BBOX1: variants seen among roughly 807,000 people sequenced by gnomAD.
BBOX1 encodes the protein gamma-butyrobetaine dioxygenase.
BBOX1 carries 35 observed loss-of-function variants against 41.6 expected under a neutral mutation model. The observed-to-expected ratio is 0.84, with a 90% CI of 0.64 to 1.11. BBOX1 has a LOEUF of 1.11. Among genes scored for constraint, BBOX1 ranks in the 50% most tolerant of loss-of-function variants. The probability of loss-of-function intolerance (pLI) is 0.00; values close to 1 mark genes in which losing one functional copy is unlikely to be tolerated. For synonymous variants in BBOX1, 163 were observed against 154.7 expected (o/e 1.05, Z -0.40); for missense variants, 458 against 460.6 (o/e 0.99, Z 0.05).
intron 7 of BBOX1, among the ~76,000 whole-genome samples, chr11:27,121,209 G>A (rs1324471646): frequency 6.6e-6 from 1 of 152,038 alleles, no homozygotes; most frequent in East Asian, 1.9e-4. Context: ...AGGGTCCTAA[G>A]GACATGTCTG....
At chr11:27,098,725 T>G (rs1392379041) in intron 5 of BBOX1, among the ~76,000 whole-genome samples, 1 of 152,010 alleles carries the variant, frequency 6.6e-6, no homozygotes, top group Non-Finnish European at 1.5e-5. Flanking sequence ...GAATTATTAT[T>G]TACATAAGCT....
At chr11:27,078,651 A>G (rs1399974756) in intron 4 of BBOX1, among the ~76,000 whole-genome samples, 1 of 152,194 alleles carries the variant, frequency 6.6e-6, no homozygotes, top group Non-Finnish European at 1.5e-5. Flanking sequence ...GGACACAGGG[A>G]GAGGAACATC....
intron 4 of BBOX1, among the ~76,000 whole-genome samples, chr11:27,061,272 T>G (rs1167688083): frequency 1.3e-5 from 2 of 152,114 alleles, no homozygotes; most frequent in Non-Finnish European, 2.9e-5. Flanking sequence ...AGTAGCAAAA[T>G]GGAAATGATA....
chr11:27,047,943 CT>C (rs1851539294), intron 2 of BBOX1, among the ~76,000 whole-genome samples: 1 of 152,044 alleles, frequency 6.6e-6, no homozygotes, highest in South Asian at 2.1e-4. Flanking sequence ...AACTAATAAT[CT>C]TTTTTCACTT....
chr11:27,092,173 T>C (rs999932763), intron 4 of BBOX1, among the ~76,000 whole-genome samples: 7 of 151,950 alleles, frequency 4.6e-5, no homozygotes, highest in African/African-American at 1.7e-4. Context: ...GAGGCACCAT[T>C]CTTCATTCTT....
In BBOX1 at chr11:27,127,330, T is replaced by A. The variant is rs137894032; in HGVS notation, c.1041T>A (p.His347Gln). 9 of 1,614,032 alleles carry A rather than the reference T, an allele frequency of 5.6e-6. No individual in the cohort carries two copies. Among genetic ancestry groups the A allele is most frequent in the South Asian group, 5.5e-5 (5 of 91,072 alleles). Residue 347 changes from histidine to glutamine, a missense_variant, in exon 9 of 9, where the codon CAT becomes CAA. By Grantham distance (24) the His-to-Gln change is conservative. Coordinates refer to ENST00000263182, the MANE Select transcript of BBOX1 (RefSeq NM_003986.3). ...VITFDNWRLL[H>Q]GRRSYEAGTE... ...CTTTTGATAACTGGCGCTTACTTCA[T>A]GGCCGACGTAGCTATGAAGCAGGAA...
intron 5 of BBOX1, among the ~76,000 whole-genome samples, chr11:27,108,156 T>C (rs1200223350): frequency 6.6e-6 from 1 of 152,100 alleles, no homozygotes; most frequent in Non-Finnish European, 1.5e-5. Flanking sequence ...GCCAGAGAAC[T>C]GCTCTGATGA....
chr11:27,100,750 A>G (rs952450627), intron 5 of BBOX1, among the ~76,000 whole-genome samples: 1 of 152,132 alleles, frequency 6.6e-6, no homozygotes, highest in African/African-American at 2.4e-5. Context: ...ATGAAAGGAA[A>G]AATAATTTCT....
intron 5 of BBOX1, among the ~76,000 whole-genome samples, chr11:27,097,377 T>C (rs894668525): frequency 6.6e-6 from 1 of 152,064 alleles, no homozygotes; most frequent in Non-Finnish European, 1.5e-5. Context: ...TCAATGATTA[T>C]ACCAAGTTAG....
chr11:27,098,172 C>G (rs1590210290), intron 5 of BBOX1, among the ~76,000 whole-genome samples: 1 of 151,928 alleles, frequency 6.6e-6, no homozygotes, highest in African/African-American at 2.4e-5. Flanking sequence ...CTTTCTTGCC[C>G]TTTTCACTTG....
Position 27,119,633 on chromosome 11 carries a change from T to A in BBOX1, c.640-16T>A. ...AATTTAATATTTATTTAATAATGCA[T>A]ATTTTCTTTTTATAGGTTCAGCTTC... On this transcript the variant is annotated splice_polypyrimidine_tract_variant and intron_variant, in intron 6 of 8. Coordinates refer to ENST00000263182, the MANE Select transcript of BBOX1 (RefSeq NM_003986.3). The A allele has an allele frequency of 7.5e-7, 1 of 1,335,238 alleles. No individual in the cohort carries two copies. Among genetic ancestry groups the A allele is most frequent in the Non-Finnish European group, 9.8e-7 (1 of 1,025,258 alleles). The allele number at this position is 1,335,238 out of a possible 1,614,324, so 82.7% of individuals were successfully genotyped here. A position where few individuals can be genotyped will look rare whatever the true frequency, so the allele number is the denominator to read the frequency against.
chr11:27,057,392 A>C, intron 4 of BBOX1, 77 bp downstream of exon 4: 1 of 1,177,272 alleles, frequency 8.5e-7, no homozygotes, highest in South Asian at 1.4e-5. Context: ...TGCTCACAGA[A>C]AATTCAAACC....
chr11:27,108,097 C>G (rs1025143338), intron 5 of BBOX1, among the ~76,000 whole-genome samples: 1 of 152,066 alleles, frequency 6.6e-6, no homozygotes, highest in African/African-American at 2.4e-5. Context: ...GCCTAAGACA[C>G]TCTAGGGCTA....
chr11:27,099,595 G>T (rs1159961802), intron 5 of BBOX1, among the ~76,000 whole-genome samples: 1 of 152,020 alleles, frequency 6.6e-6, no homozygotes, highest in Non-Finnish European at 1.5e-5. Flanking sequence ...GGAAGAATTG[G>T]GGACCCAGTG....
At chr11:27,104,441 T>C (rs1858785636) in intron 5 of BBOX1, among the ~76,000 whole-genome samples, 1 of 152,198 alleles carries the variant, frequency 6.6e-6, no homozygotes, top group South Asian at 2.1e-4. Context: ...ATGTTGTCAT[T>C]GAATTCTTGA....
intron 2 of BBOX1, among the ~76,000 whole-genome samples, chr11:27,042,730 AAAT>A (rs929155658): frequency 9.9e-5 from 15 of 152,164 alleles, no homozygotes; most frequent in Non-Finnish European, 1.8e-4. Context: ...CCAAGTTTAA[AAAT>A]AATAATAATA....
intron 5 of BBOX1, among the ~76,000 whole-genome samples, chr11:27,105,993 G>T (rs1858851555): frequency 6.6e-6 from 1 of 152,092 alleles, no homozygotes; most frequent in Non-Finnish European, 1.5e-5. Context: ...GCCAAACTAA[G>T]CTTCATAAGT....
At position 27,115,480 on chromosome 11, in the gene BBOX1, G is replaced by A. The variant is rs761752032; in HGVS notation, c.562G>A (p.Asp188Asn). 45 of 1,610,172 alleles carry A rather than the reference G, an allele frequency of 2.8e-5. No individual in the cohort carries two copies. Among genetic ancestry groups the A allele is most frequent in the Admixed American group, 5.0e-5 (3 of 59,590 alleles). ...GHTWQVQDKI[D>N]ANNVAYTTGK... ...TACTTGGCAAGTGCAAGACAAAATC[G>A]ATGCAAACAATGTGGCTTACACAAC... The change falls in exon 6 of 9, where the codon GAT (aspartate) becomes AAT (asparagine). Residue 188 changes from aspartate (D) to asparagine (N), a missense_variant. Coordinates refer to ENST00000263182, the MANE Select transcript of BBOX1 (RefSeq NM_003986.3).
At chr11:27,116,783 G>A (rs954426985) in intron 6 of BBOX1, among the ~76,000 whole-genome samples, 10 of 151,940 alleles carry the variant, frequency 6.6e-5, no homozygotes, top group African/African-American at 2.4e-4. Flanking sequence ...ATGTTATATT[G>A]GTCTAAGGAA....
Sources: gnomAD v4.1 joint callset for allele counts (sites outside exome capture counted in the v4.1 genomes callset) on GRCh38, gnomAD v4.1.1 for gene constraint, MANE v1.5 for transcripts, NCBI Gene and HGNC (gene_info 2026-07-23, HGNC 2026-07-21) for gene names.